NPIPB8: variants seen among roughly 807,000 people sequenced by gnomAD.
NPIPB8 encodes the protein nuclear pore complex-interacting protein family member B8.
In NPIPB8, 3 loss-of-function variants were observed where a neutral mutation model predicts 5.3. The observed-to-expected ratio is 0.57, with a 90% CI of 0.26 to 1.47. The LOEUF (loss-of-function observed/expected upper bound fraction) is 1.47. Ranked by LOEUF, NPIPB8 falls within the 40% of genes most tolerant of loss-of-function variation. The pLI is 0.13. For missense variants in NPIPB8, 50 were observed against 50.2 expected (o/e 1.00, Z 0.01); for synonymous variants, 18 against 23.0 (o/e 0.78, Z 0.62).
chr16:28,639,923 T>C lies in NPIPB8; in HGVS notation c.120+1443T>C, dbSNP rs2047864430. Among the ~76,000 whole-genome samples the C allele has an allele frequency of 2.0e-5, 3 of 150,528 alleles. No homozygotes were observed. The South Asian group carries it at 6.3e-4, about 32-fold the overall frequency. On this transcript the variant is annotated intron_variant, in intron 2 of 7. Coordinates refer to ENST00000683297, the MANE Select transcript of NPIPB8 (RefSeq NM_001310136.2). The stretch of plus-strand genomic sequence containing the variant: ...GCATTGTCTGAATATTGACAATCAG[T>C]ATGCATCATGAAGCTACATGGCTAA...
At chr16:28,645,039 CTT>C (rs1241912180) in intron 2 of NPIPB8, among the ~76,000 whole-genome samples, 6,377 of 65,758 alleles carry the variant, frequency 0.097, 1,153 homozygotes, top group African/African-American at 0.39. Context: ...GGTTTGATGA[CTT>C]TTTTTTTTTT....
At chr16:28,651,337 A>G (rs1376696749) in intron 3 of NPIPB8, among the ~76,000 whole-genome samples, 1 of 21,318 alleles carries the variant, frequency 4.7e-5, no homozygotes, top group African/African-American at 3.7e-4. Context: ...TTTGTTGCCC[A>G]GGTTTGGAGT....
chr16:28,645,146 C>T (rs190150087), intron 2 of NPIPB8, among the ~76,000 whole-genome samples: 3 of 133,664 alleles, frequency 2.2e-5, no homozygotes, highest in East Asian at 4.0e-4. Context: ...GGGGTTCAAG[C>T]AATTGTCCTG....
chr16:28,640,282 T>A lies in NPIPB8; in HGVS notation c.120+1802T>A, dbSNP rs1380572886. 2.0e-5 allele frequency among the ~76,000 whole-genome samples: 3 copies of A among 150,914 alleles called. 1 individual carries two copies. The highest frequency in any genetic ancestry group is 4.4e-5 in the Non-Finnish European group (3 of 68,022). ...CCAAACGATGGAAATGTACAAAATG[T>A]ACACCACTGAAGGCTCTTTTCCTGC... On this transcript the variant is annotated intron_variant, in intron 2 of 7. Coordinates refer to ENST00000683297, the MANE Select transcript of NPIPB8 (RefSeq NM_001310136.2).
At chr16:28,642,579 G>C (rs1399465945) in intron 2 of NPIPB8, among the ~76,000 whole-genome samples, 2 of 150,856 alleles carry the variant, frequency 1.3e-5, no homozygotes, top group East Asian at 3.9e-4. Flanking sequence ...CTGCCTCCCG[G>C]GTTCAAACTA....
At chr16:28,638,259 A>G (rs2047826420) in intron 1 of NPIPB8, 64 bp from the exon 2 acceptor site, 2 of 1,532,710 alleles carry the variant, frequency 1.3e-6, no homozygotes, top group Non-Finnish European at 1.7e-6. Context: ...TGACCACTAT[A>G]GACTCAAACA....
At chr16:28,644,572 C>A (rs1311866319) in intron 2 of NPIPB8, 3 of 1,532,036 alleles carry the variant, frequency 2.0e-6, no homozygotes, top group Non-Finnish European at 2.6e-6. Flanking sequence ...CCTCAGGGCG[C>A]CCTGAAAGGA....
intron 5 of NPIPB8, among the ~76,000 whole-genome samples, chr16:28,652,878 A>G: frequency 7.8e-6 from 1 of 127,714 alleles, no homozygotes; most frequent in African/African-American, 3.1e-5. Context: ...CTGGGATTAG[A>G]GGTGTGAGCC....
intron 2 of NPIPB8, 34 bp downstream of exon 2, chr16:28,638,514 C>T (rs770582547): frequency 2.0e-6 from 3 of 1,527,478 alleles, no homozygotes; most frequent in Admixed American, 3.8e-5. Context: ...GGCCTGGTGC[C>T]CTTGAGCAGT....
At chr16:28,653,134 A>C (rs1423627745) in intron 5 of NPIPB8, among the ~76,000 whole-genome samples, 1 of 109,808 alleles carries the variant, frequency 9.1e-6, no homozygotes, top group East Asian at 2.2e-4. Flanking sequence ...GTGCAGTGGC[A>C]TGATCTTGGC....
At chr16:28,642,093 G>A (rs999162609) in intron 2 of NPIPB8, among the ~76,000 whole-genome samples, 3 of 144,242 alleles carry the variant, frequency 2.1e-5, no homozygotes, top group African/African-American at 2.7e-5. Flanking sequence ...CAACACAACC[G>A]AAATCTAGGG....
chr16:28,639,209 T>TA (rs2047847638), intron 2 of NPIPB8, among the ~76,000 whole-genome samples: 1 of 146,910 alleles, frequency 6.8e-6, no homozygotes, highest in South Asian at 2.1e-4. Context: ...ATAAAAGAAT[T>TA]AACCACATCA....
chr16:28,653,410 A>G (rs2048078523), intron 5 of NPIPB8, among the ~76,000 whole-genome samples: 1 of 41,740 alleles, frequency 2.4e-5, no homozygotes, highest in Admixed American at 2.6e-4. Context: ...TTTAGTAGAG[A>G]CAGGGGTTCA....
rs970721727 is a variant in NPIPB8, at chr16:28,638,111, A to G, written c.-78A>G. Reference sequence around the variant, plus strand: ...AACCTTGAGAGAAACTGAATGACGAATGAAACTATTGTTCCTGTTTCACAC... The same window carrying G: ...AACCTTGAGAGAAACTGAATGACGAGTGAAACTATTGTTCCTGTTTCACAC... On this transcript the variant is annotated 5_prime_UTR_variant, in exon 1 of 8. It removes an upstream start codon present in the reference 5' UTR. Coordinates refer to ENST00000683297, the MANE Select transcript of NPIPB8 (RefSeq NM_001310136.2). 1.5e-6 allele frequency: 1 copy of G among 649,580 alleles called. No homozygotes were observed. Among genetic ancestry groups the G allele is most frequent in the African/African-American group, 1.9e-5 (1 of 53,336 alleles). The allele number at this position is 649,580 out of a possible 1,614,324, so 40.2% of individuals were successfully genotyped here. A position where few individuals can be genotyped will look rare whatever the true frequency, so the allele number is the denominator to read the frequency against.
rs527903467 is a variant in NPIPB8, at chr16:28,644,816, G to A, written c.121-3319G>A. 1.6e-3 allele frequency among the ~76,000 whole-genome samples: 139 copies of A among 86,426 alleles called. 4 individuals are homozygous for A. Among genetic ancestry groups the A allele is most frequent in the Middle Eastern group, 7.6e-3 (2 of 264 alleles). The allele number at this position is 86,426 out of a possible 152,430, so 56.7% of individuals were successfully genotyped here. ...TGAAGACTAGCCAGGGCATCATGGC[G>A]AAACCCCATCTCTACAAAAAATTCC... On this transcript the variant is annotated intron_variant, in intron 2 of 7. Coordinates refer to ENST00000683297, the MANE Select transcript of NPIPB8 (RefSeq NM_001310136.2).
At position 28,639,261 on chromosome 16, in the gene NPIPB8, T is replaced by C. The variant is rs1245034349; in HGVS notation, c.120+781T>C. On this transcript the variant is annotated intron_variant, in intron 2 of 7. Transcript: ENST00000683297. Reference sequence around the variant, plus strand: ...TGTAATACATATTTTTTATTCTCCTTCATTTGTTTTGAATGCTCTGTGCAG... The same window carrying C: ...TGTAATACATATTTTTTATTCTCCTCCATTTGTTTTGAATGCTCTGTGCAG... Among the ~76,000 whole-genome samples the C allele has an allele frequency of 2.0e-5, 3 of 148,912 alleles. No individual in the cohort carries two copies. The South Asian group carries it at 6.3e-4, about 31-fold the overall frequency.
rs953016225 is a variant in NPIPB8 at position 28,638,100 on chromosome 16, C to T, written c.-89C>T. On this transcript the variant is annotated 5_prime_UTR_variant, in exon 1 of 8. Coordinates refer to ENST00000683297, the MANE Select transcript of NPIPB8 (RefSeq NM_001310136.2). ...TGATCTCATGAAACCTTGAGAGAAA[C>T]TGAATGACGAATGAAACTATTGTTC... The T allele has an allele frequency of 1.1e-5, 7 of 652,456 alleles. No individual in the cohort carries two copies. Among genetic ancestry groups the T allele is most frequent in the African/African-American group, 9.4e-5 (5 of 53,186 alleles). The allele number at this position is 652,456 out of a possible 1,614,324, so 40.4% of individuals were successfully genotyped here. A position where few individuals can be genotyped will look rare whatever the true frequency, so the allele number is the denominator to read the frequency against.
intron 2 of NPIPB8, chr16:28,644,679 G>C: frequency 7.4e-7 from 1 of 1,355,810 alleles, no homozygotes; most frequent in Non-Finnish European, 9.7e-7. Flanking sequence ...GGACCCGCGG[G>C]GTTTCTTCCT....
intron 2 of NPIPB8, among the ~76,000 whole-genome samples, chr16:28,639,552 G>A (rs1322629793): frequency 7.4e-6 from 1 of 135,304 alleles, no homozygotes; most frequent in Non-Finnish European, 1.6e-5. Context: ...CGTCTCCCGG[G>A]TTCAAGCAAT....
Sources: gnomAD v4.1 joint callset for allele counts (sites outside exome capture counted in the v4.1 genomes callset) on GRCh38, gnomAD v4.1.1 for gene constraint, MANE v1.5 for transcripts, NCBI Gene and HGNC (gene_info 2026-07-23, HGNC 2026-07-21) for gene names.